The following ZNF385D variants were observed in gnomAD, a reference collection of about 807,000 sequenced individuals.
The protein encoded by ZNF385D is zinc finger protein 385D, also known as zinc finger protein 659.
A neutral mutation model predicts 35.8 loss-of-function variants in ZNF385D; 15 were observed. The ratio of observed to expected loss-of-function variants is 0.42; its 90% CI spans 0.28 to 0.64. The LOEUF (loss-of-function observed/expected upper bound fraction) is 0.64, where lower values mean the gene tolerates loss of function less well. Among genes scored for constraint, ZNF385D ranks in the 30% least tolerant of loss-of-function variants. The probability of loss-of-function intolerance (pLI) is 0.23; values close to 1 mark genes in which losing one functional copy is unlikely to be tolerated. For missense variants in ZNF385D, 474 were observed against 494.6 expected, an observed-to-expected ratio of 0.96 and a Z score of 0.39; for synonymous variants, 212 against 186.8, an observed-to-expected ratio of 1.13 and a Z score of -1.10.
chr3:21,732,725 T>C (rs2069076734), intron 1 of ZNF385D, among the ~76,000 whole-genome samples: 1 of 152,216 alleles, frequency 6.6e-6, no homozygotes, highest in Non-Finnish European at 1.5e-5. Context: ...TTGGCCCACT[T>C]TTTAATCAGG....
At chr3:22,332,916 T>G (rs1417845852) in intron 2 of ZNF385D, among the ~76,000 whole-genome samples, 3 of 151,900 alleles carry the variant, frequency 2.0e-5, no homozygotes, top group African/African-American at 7.2e-5. Context: ...TTTTTTTTTT[T>G]CCTGGTGTTT....
intron 3 of ZNF385D, among the ~76,000 whole-genome samples, chr3:21,988,624 T>C (rs1559823935): frequency 6.6e-6 from 1 of 151,104 alleles, no homozygotes; most frequent in Non-Finnish European, 1.5e-5. Flanking sequence ...GTCTTTTTGT[T>C]TGTCTGTGCC....
intron 3 of ZNF385D, among the ~76,000 whole-genome samples, chr3:21,866,057 G>A (rs1697333817): frequency 6.6e-6 from 1 of 151,630 alleles, no homozygotes; most frequent in South Asian, 2.1e-4. Flanking sequence ...TATAACATTA[G>A]TATGTGTATG....
intron 3 of ZNF385D, among the ~76,000 whole-genome samples, chr3:22,100,828 TATA>T (rs1386978755): frequency 4.0e-5 from 6 of 151,378 alleles, no homozygotes; most frequent in Admixed American, 2.6e-4. Context: ...AAACTTAAAG[TATA>T]ATAATATTAA....
intron 3 of ZNF385D, among the ~76,000 whole-genome samples, chr3:21,952,865 T>C (rs1027312977): frequency 1.3e-5 from 2 of 151,996 alleles, no homozygotes; most frequent in Non-Finnish European, 2.9e-5. Flanking sequence ...TCAAATGAAA[T>C]TTCTGATGCC....
intron 3 of ZNF385D, among the ~76,000 whole-genome samples, chr3:21,824,461 A>T (rs182771305): frequency 6.6e-6 from 1 of 152,122 alleles, no homozygotes; most frequent in Non-Finnish European, 1.5e-5. Context: ...TTTCTCTCTC[A>T]CACACAAATA....
intron 3 of ZNF385D, among the ~76,000 whole-genome samples, chr3:21,964,945 T>G (rs2125327229): frequency 6.6e-6 from 1 of 152,354 alleles, no homozygotes; most frequent in South Asian, 2.1e-4. Flanking sequence ...TATATTCATG[T>G]ATTTAGCAGA....
At position 21,694,074 on chromosome 3, in the gene ZNF385D, C is replaced by T. The variant is rs747615792; in HGVS notation, c.23-29046G>A. On this transcript the variant is annotated intron_variant, in intron 1 of 7. Transcript: ENST00000281523. ...TTTTTTTTTTTTTGAGACAGAGTCT[C>T]GCTCTGTCGCCCAGGCCGGAGTACA... 4.1e-3 allele frequency among the ~76,000 whole-genome samples: 106 copies of T among 25,796 alleles called. 1 individual carries two copies. The highest frequency in any genetic ancestry group is 7.0e-3 in the Non-Finnish European group (88 of 12,634). 16.9% of individuals were successfully genotyped at this position (25,796 alleles called of 152,430 possible).
intron 3 of ZNF385D, among the ~76,000 whole-genome samples, chr3:21,795,288 A>G (rs534189446): frequency 1.3e-5 from 2 of 152,312 alleles, no homozygotes; most frequent in East Asian, 3.9e-4. Flanking sequence ...GACCTCTAAT[A>G]ACGAAGAAGC....
chr3:21,971,047 G>C (rs1703222658), intron 3 of ZNF385D, among the ~76,000 whole-genome samples: 1 of 152,070 alleles, frequency 6.6e-6, no homozygotes, highest in Admixed American at 6.6e-5. Context: ...CACGAGACCT[G>C]TCCTACAAGA....
At chr3:21,545,369 A>G (rs2062336149) in intron 3 of ZNF385D, among the ~76,000 whole-genome samples, 1 of 152,260 alleles carries the variant, frequency 6.6e-6, no homozygotes, top group Non-Finnish European at 1.5e-5. Context: ...AGTTTACTAA[A>G]TGGACTGAAC....
At chr3:21,928,313 G>GAGGGAGGA (rs1485841284) in intron 3 of ZNF385D, among the ~76,000 whole-genome samples, 1 of 143,942 alleles carries the variant, frequency 6.9e-6, no homozygotes, top group Non-Finnish European at 1.5e-5. Flanking sequence ...AGGAAGGTAG[G>GAGGGAGGA]AGGGAGGAAG....
chr3:22,343,305 G>A (rs570222935), intron 2 of ZNF385D, among the ~76,000 whole-genome samples: 39 of 152,302 alleles, frequency 2.6e-4, no homozygotes, highest in Middle Eastern at 3.4e-3. Context: ...ACAGATCTAC[G>A]TTTCCATTTC....
intron 3 of ZNF385D, among the ~76,000 whole-genome samples, chr3:21,936,765 A>T (rs768424848): frequency 2.0e-5 from 3 of 152,168 alleles, no homozygotes; most frequent in Admixed American, 6.5e-5. Context: ...AAAATCTTAC[A>T]GACTCAAAAA....
chr3:21,858,004 A>C (rs114014849), intron 3 of ZNF385D, among the ~76,000 whole-genome samples: 3,412 of 152,032 alleles, frequency 0.022, 67 homozygotes, highest in South Asian at 0.04. Flanking sequence ...TCTACTAAAA[A>C]TACAAAATTT....
intron 2 of ZNF385D, among the ~76,000 whole-genome samples, chr3:21,664,085 T>C (rs2066327699): frequency 6.7e-6 from 1 of 149,354 alleles, no homozygotes; most frequent in Non-Finnish European, 1.5e-5. Context: ...ACCACTGTTG[T>C]TATCTGAAGG....
chr3:21,801,704 CA>C (rs974816768), intron 3 of ZNF385D, among the ~76,000 whole-genome samples: 5 of 152,116 alleles, frequency 3.3e-5, no homozygotes, highest in African/African-American at 1.2e-4. Flanking sequence ...GGAACTACTG[CA>C]GCCCCTGGGT....
intron 3 of ZNF385D, among the ~76,000 whole-genome samples, chr3:21,773,407 A>T (rs912065921): frequency 6.6e-6 from 1 of 151,998 alleles, no homozygotes; most frequent in African/African-American, 2.4e-5. Flanking sequence ...GCAAAAGCAA[A>T]AATTGACAAA....
chr3:22,172,567 C>G (rs1250431525), intron 2 of ZNF385D, among the ~76,000 whole-genome samples: 2 of 152,134 alleles, frequency 1.3e-5, no homozygotes, highest in Non-Finnish European at 2.9e-5. Flanking sequence ...GAGAAGTGCT[C>G]ATCTTCTCTA....
Sources: gnomAD v4.1 joint callset for allele counts (sites outside exome capture counted in the v4.1 genomes callset) on GRCh38, gnomAD v4.1.1 for gene constraint, MANE v1.5 for transcripts, NCBI Gene and HGNC (gene_info 2026-07-23, HGNC 2026-07-21) for gene names.